Variants in CBX5 observed in about 807,000 individuals in gnomAD.
The protein encoded by CBX5 is chromobox protein homolog 5.
In CBX5, 7 loss-of-function variants were observed where a neutral mutation model predicts 20.7. The observed-to-expected ratio is 0.34, with a 90% CI of 0.19 to 0.63. The LOEUF (loss-of-function observed/expected upper bound fraction) is 0.63, where lower values mean the gene tolerates loss of function less well. CBX5 is among the 30% of genes least tolerant of loss of function. The pLI, the probability that CBX5 is intolerant of heterozygous loss-of-function variation, is 0.75. For missense variants in CBX5, 110 were observed against 224.1 expected (o/e 0.49, Z 3.25); for synonymous variants, 78 against 77.0 (o/e 1.01, Z -0.07).
At chr12:54,254,352 AAG>A (rs1304102361) in intron 2 of CBX5, among the ~76,000 whole-genome samples, 2 of 151,284 alleles carry the variant, frequency 1.3e-5, no homozygotes, top group African/African-American at 4.9e-5. Flanking sequence ...AAAAAAAAAA[AAG>A]GTTTATTTAG....
At position 54,277,337 on chromosome 12, in the gene CBX5, G is replaced by A. The variant is rs1346256068; in HGVS notation, c.-43+2671C>T. Among the ~76,000 whole-genome samples the A allele has an allele frequency of 2.6e-5, 4 of 152,300 alleles. No individual in the cohort carries two copies. In the East Asian group the frequency reaches 5.8e-4, roughly 22 times the overall value. The stretch of plus-strand genomic sequence containing the variant: ...TCCTGACTCCGCCTCCCGAGTAGCT[G>A]GAATTACAGGCACCCGCCACCACAC... On this transcript the variant is annotated intron_variant, in intron 1 of 4. Coordinates refer to ENST00000209875, the MANE Select transcript of CBX5 (RefSeq NM_012117.3).
In CBX5 at chr12:54,237,525, A is replaced by AT. The variant is rs1475163699; in HGVS notation, c.*4229dup. On this transcript the variant is annotated 3_prime_UTR_variant, in exon 5 of 5. Transcript: ENST00000209875. The stretch of plus-strand genomic sequence containing the variant: ...CCTACATCAAATGAATAAGACTTCG[A>AT]TTTTTGATACCAACAATGTCCCCAA... 2 of 152,724 alleles carry AT rather than the reference A, an allele frequency of 1.3e-5. No homozygotes were observed. Among genetic ancestry groups the AT allele is most frequent in the African/African-American group, 4.8e-5 (2 of 41,452 alleles). 9.5% of individuals were successfully genotyped at this position (152,724 alleles called of 1,614,324 possible).
At position 54,233,346 on chromosome 12, in the gene CBX5, T is replaced by C. The variant is rs1471002680; in HGVS notation, c.*8409A>G. On this transcript the variant is annotated 3_prime_UTR_variant, in exon 5 of 5. Transcript: ENST00000209875. ...TACTTTGGATTCTGGTAGAAATCAT[T>C]ATGTCTCTTATCCTAAACTGAGGAG... 6.6e-6 allele frequency: 1 copy of C among 152,180 alleles called. No homozygotes were observed. The highest frequency in any genetic ancestry group is 1.9e-4 in the East Asian group (1 of 5,198). 9.4% of individuals were successfully genotyped at this position (152,180 alleles called of 1,614,324 possible).
rs534431400 is a variant in CBX5, at chr12:54,259,989, G to A, written c.-42-2297C>T. Among the ~76,000 whole-genome samples, 6 of 152,136 alleles carry A rather than the reference G, an allele frequency of 3.9e-5. No individual in the cohort carries two copies. In the South Asian group the frequency reaches 1.2e-3, roughly 32 times the overall value. The stretch of plus-strand genomic sequence containing the variant: ...AATCCAGCCCACCAGAGCACTTTGG[G>A]CAATCCCATTTTACCGTCTGTCACA... On this transcript the variant is annotated intron_variant, in intron 1 of 4. Transcript: ENST00000209875.
At chr12:54,265,617 C>G (rs1943949293) in intron 1 of CBX5, among the ~76,000 whole-genome samples, 1 of 152,216 alleles carries the variant, frequency 6.6e-6, no homozygotes, top group African/African-American at 2.4e-5. Flanking sequence ...GAAAGATTAA[C>G]TATGGTCGTT....
intron 2 of CBX5, 70 bp downstream of exon 2, chr12:54,257,444 T>A (rs1482592342): frequency 6.6e-7 from 1 of 1,518,286 alleles, no homozygotes; most frequent in East Asian, 2.3e-5. Flanking sequence ...TGCTTGTGAT[T>A]CCTAAGGAAG....
rs2643028 is a variant in CBX5 at position 54,253,366 on chromosome 12, G to A, written c.138-1139C>T. On this transcript the variant is annotated intron_variant, in intron 2 of 4. Coordinates refer to ENST00000209875, the MANE Select transcript of CBX5 (RefSeq NM_012117.3). ...GGAGGCTGCGGTTGTAGTGAGCCAA[G>A]ACTGCACCACTGCATTCCAGTCTGG... 2.6e-5 allele frequency among the ~76,000 whole-genome samples: 4 copies of A among 151,990 alleles called. No individual in the cohort carries two copies. The South Asian group carries it at 6.2e-4, about 24-fold the overall frequency.
At chr12:54,279,763 G>C (rs1789069170) in intron 1 of CBX5, among the ~76,000 whole-genome samples, 1 of 152,226 alleles carries the variant, frequency 6.6e-6, no homozygotes, top group African/African-American at 2.4e-5. Flanking sequence ...GGGCCGATCA[G>C]TCGGCAGCTC....
At chr12:54,253,940 G>A (rs949951348) in intron 2 of CBX5, among the ~76,000 whole-genome samples, 2 of 151,682 alleles carry the variant, frequency 1.3e-5, no homozygotes, top group African/African-American at 2.4e-5. Context: ...TAGTAGAGAC[G>A]GGGTTTCACC....
At chr12:54,259,179 T>C (rs901063528) in intron 1 of CBX5, 1 of 152,184 alleles carries the variant, frequency 6.6e-6, no homozygotes, top group African/African-American at 2.4e-5. Context: ...ATATCTTATG[T>C]GCTTTATTTA....
At chr12:54,252,755 C>A (rs1943819567) in intron 2 of CBX5, among the ~76,000 whole-genome samples, 1 of 151,862 alleles carries the variant, frequency 6.6e-6, no homozygotes, top group South Asian at 2.1e-4. Context: ...GAGGCCGAGG[C>A]AGGCAGATCA....
intron 2 of CBX5, among the ~76,000 whole-genome samples, chr12:54,254,008 C>T (rs1267297178): frequency 1.3e-5 from 2 of 152,118 alleles, no homozygotes; most frequent in Non-Finnish European, 2.9e-5. Flanking sequence ...GCTTCGGCCA[C>T]TCAAAGTGCT....
chr12:54,261,140 G>A (rs551880242), intron 1 of CBX5, among the ~76,000 whole-genome samples: 2 of 147,068 alleles, frequency 1.4e-5, no homozygotes, highest in African/African-American at 2.5e-5. Flanking sequence ...GCAGTGAGCC[G>A]AGACTGCGCC....
chr12:54,257,499 A>T lies in CBX5; in HGVS notation c.137+15T>A, dbSNP rs1167399249. 4 of 1,612,160 alleles carry T rather than the reference A, an allele frequency of 2.5e-6. No homozygotes were observed. In the East Asian group the frequency reaches 8.9e-5, roughly 36 times the overall value. On this transcript the variant is annotated intron_variant, in intron 2 of 4. Transcript: ENST00000209875. Reference sequence around the variant, plus strand: ...TCTACAGAGTCCCAACGCCTGGGGGAAAAAAGGAACTTACTCAGAAAAGCC... The same window carrying T: ...TCTACAGAGTCCCAACGCCTGGGGGTAAAAAGGAACTTACTCAGAAAAGCC...
At chr12:54,264,259 A>G (rs1943939617) in intron 1 of CBX5, among the ~76,000 whole-genome samples, 2 of 152,202 alleles carry the variant, frequency 1.3e-5, no homozygotes, top group South Asian at 4.1e-4. Flanking sequence ...GGGCTCAAGC[A>G]ATCCTCTCAC....
chr12:54,254,331 C>CAAAAA lies in CBX5; in HGVS notation c.138-2109_138-2105dup, dbSNP rs34812446. Among the ~76,000 whole-genome samples, 9 of 54,924 alleles carry CAAAAA rather than the reference C, an allele frequency of 1.6e-4. No homozygotes were observed. In the South Asian group the frequency reaches 2.0e-3, roughly 12 times the overall value. The allele number at this position is 54,924 out of a possible 152,430, so 36.0% of individuals were successfully genotyped here. On this transcript the variant is annotated intron_variant, in intron 2 of 4. Transcript: ENST00000209875. ...GGGCAACAAGAGTGAAACTCCATCT[C>CAAAAA]AAAAAAAAAAAAAAAAAAAAAAGGT... is the stretch of plus-strand genomic sequence containing the variant.
chr12:54,251,866 T>G (rs1056665388), intron 3 of CBX5, among the ~76,000 whole-genome samples, 175 bp downstream of exon 3: 14 of 152,176 alleles, frequency 9.2e-5, no homozygotes, highest in Non-Finnish European at 2.1e-4. Context: ...CATTTCTCAC[T>G]TAGCCAGGAG....
At chr12:54,275,569 G>T (rs530937597) in intron 1 of CBX5, among the ~76,000 whole-genome samples, 3 of 152,016 alleles carry the variant, frequency 2.0e-5, no homozygotes, top group African/African-American at 4.8e-5. Context: ...AAGCACAAGC[G>T]TTATAACTTC....
chr12:54,258,098 A>G (rs923877711), intron 1 of CBX5: 1 of 153,734 alleles, frequency 6.5e-6, no homozygotes, highest in Non-Finnish European at 1.4e-5. Flanking sequence ...AAGCGTCTTT[A>G]TAAAAATGAA....
Sources: gnomAD v4.1 joint callset for allele counts (sites outside exome capture counted in the v4.1 genomes callset) on GRCh38, gnomAD v4.1.1 for gene constraint, MANE v1.5 for transcripts, NCBI Gene and HGNC (gene_info 2026-07-23, HGNC 2026-07-21) for gene names.